FAM107A: variants seen among roughly 807,000 people sequenced by gnomAD.
FAM107A encodes the protein family with sequence similarity 107 member A, also known as actin-associated protein FAM107A.
In FAM107A, 19 loss-of-function variants were observed where a neutral mutation model predicts 13.7. The ratio of observed to expected loss-of-function variants is 1.38; its 90% CI spans 0.97 to 2.03. FAM107A has a LOEUF of 2.03. FAM107A is among the 30% of genes most tolerant of loss of function. FAM107A has a pLI of 0.00. For synonymous variants in FAM107A, 82 were observed against 74.5 expected (o/e 1.10, Z -0.52); for missense variants, 203 against 184.4 (o/e 1.10, Z -0.58).
intron 1 of FAM107A, among the ~76,000 whole-genome samples, chr3:58,600,522 G>C (rs548751442): frequency 6.6e-6 from 1 of 152,308 alleles, no homozygotes; most frequent in South Asian, 2.1e-4. Context: ...ATTTTGCTCA[G>C]CTCCTTCAGT....
At chr3:58,621,997 G>C (rs71637536) in intron 1 of FAM107A, among the ~76,000 whole-genome samples, 1 of 152,166 alleles carries the variant, frequency 6.6e-6, no homozygotes. Flanking sequence ...TCAGTGTCAG[G>C]TGGGGGAGAG....
intron 1 of FAM107A, among the ~76,000 whole-genome samples, chr3:58,592,325 A>T (rs2065660528): frequency 6.6e-6 from 1 of 152,178 alleles, no homozygotes; most frequent in South Asian, 2.1e-4. Flanking sequence ...CCAGAATTTC[A>T]GAAGAAGCAG....
At chr3:58,596,769 A>T (rs2065711347) in intron 1 of FAM107A, among the ~76,000 whole-genome samples, 1 of 152,224 alleles carries the variant, frequency 6.6e-6, no homozygotes, top group African/African-American at 2.4e-5. Context: ...ACCACCTCCA[A>T]GATCAAGATA....
At chr3:58,589,701 T>C (rs139907206), upstream of FAM107A, among the ~76,000 whole-genome samples, 92 of 152,318 alleles carry the variant, frequency 6.0e-4, no homozygotes, top group East Asian at 0.017. Context: ...AAGTGCATAC[T>C]TTATTCAGAT....
At chr3:58,603,019 C>A (rs754744468) in intron 1 of FAM107A, among the ~76,000 whole-genome samples, 2 of 152,078 alleles carry the variant, frequency 1.3e-5, no homozygotes, top group Admixed American at 6.6e-5. Flanking sequence ...GAATTTTATT[C>A]ATTAATTAAT....
upstream of FAM107A, among the ~76,000 whole-genome samples, chr3:58,580,765 A>C (rs1408704490): frequency 6.6e-6 from 1 of 151,912 alleles, no homozygotes; most frequent in East Asian, 1.9e-4. Context: ...GAGTTTGAGG[A>C]CCATTGTTCT....
chr3:58,571,632 A>T (rs2063684844), intron 1 of FAM107A, among the ~76,000 whole-genome samples: 1 of 152,198 alleles, frequency 6.6e-6, no homozygotes, highest in African/African-American at 2.4e-5. Context: ...CTGTGGGATC[A>T]AGCTCTCTGG....
chr3:58,588,060 C>T (rs1053271988), upstream of FAM107A, among the ~76,000 whole-genome samples: 8 of 152,176 alleles, frequency 5.3e-5, no homozygotes, highest in African/African-American at 9.7e-5. Context: ...CTCATTCACT[C>T]GTCACAACAG....
At chr3:58,612,416 C>T (rs999571025) in intron 1 of FAM107A, among the ~76,000 whole-genome samples, 2 of 151,954 alleles carry the variant, frequency 1.3e-5, no homozygotes, top group Non-Finnish European at 2.9e-5. Flanking sequence ...CTCGTCTCTA[C>T]AAAATATAGA....
chr3:58,614,387 G>A (rs1022063567), intron 1 of FAM107A, among the ~76,000 whole-genome samples: 1 of 151,808 alleles, frequency 6.6e-6, no homozygotes, highest in African/African-American at 2.4e-5. Context: ...ATTTTCTATT[G>A]TCTAGAAGAC....
intron 3 of FAM107A, 103 bp downstream of exon 3, chr3:58,567,105 C>T (rs780114695): frequency 2.4e-5 from 33 of 1,401,574 alleles, no homozygotes; most frequent in Admixed American, 1.7e-4. Flanking sequence ...AGTGCTCTGT[C>T]TGCTGATCCT....
chr3:58,579,394 A>G (rs1371248028), upstream of FAM107A, among the ~76,000 whole-genome samples: 2 of 151,932 alleles, frequency 1.3e-5, no homozygotes, highest in South Asian at 2.1e-4. Flanking sequence ...GTATAAAACA[A>G]TTTTCTGGAA....
Position 58,613,923 on chromosome 3 carries a change from C to T in FAM107A, c.-70+13493G>A, listed in dbSNP as rs188254474. On this transcript the variant is annotated intron_variant, in intron 1 of 3. Coordinates refer to the FAM107A transcript ENST00000465970. The surrounding 1 kb of genome is among the most constrained non-coding windows in gnomAD (Gnocchi z 4.6). Reference sequence around the variant, plus strand: ...CTGGCTCCTGCAGGTGCCACAACTCCCTGCAGCCTGCTGTACCTGGGAAGT... The same window carrying T: ...CTGGCTCCTGCAGGTGCCACAACTCTCTGCAGCCTGCTGTACCTGGGAAGT... 6.6e-6 allele frequency among the ~76,000 whole-genome samples: 1 copy of T among 152,308 alleles called. No homozygotes were observed. The highest frequency in any genetic ancestry group is 1.9e-4 in the East Asian group (1 of 5,182).
At chr3:58,572,358 T>C (rs1406115542) in intron 1 of FAM107A, among the ~76,000 whole-genome samples, 1 of 152,036 alleles carries the variant, frequency 6.6e-6, no homozygotes, top group Non-Finnish European at 1.5e-5. Context: ...CAGGCTCCCA[T>C]AGAGACTAAG....
At chr3:58,589,351 T>A (rs986479008), upstream of FAM107A, 19 of 923,282 alleles carry the variant, frequency 2.1e-5, no homozygotes, top group Non-Finnish European at 2.9e-5. Context: ...ACAATGTATC[T>A]GAGTCTTTTG....
upstream of FAM107A, chr3:58,589,376 T>C: frequency 1.4e-6 from 1 of 734,246 alleles, no homozygotes; most frequent in South Asian, 1.7e-5. Context: ...CTGAAGGGAC[T>C]GGTCAGAGTC....
At chr3:58,623,175 A>G (rs761942231) in intron 1 of FAM107A, among the ~76,000 whole-genome samples, 13 of 152,154 alleles carry the variant, frequency 8.5e-5, no homozygotes, top group Non-Finnish European at 5.9e-5. Context: ...TAGAATGAAC[A>G]CACCCTTTCA....
At chr3:58,574,988 C>G (rs2063718759) in intron 1 of FAM107A, among the ~76,000 whole-genome samples, 1 of 152,130 alleles carries the variant, frequency 6.6e-6, no homozygotes, top group African/African-American at 2.4e-5. Context: ...TAAGGAGAGA[C>G]AGAAGGAGAG....
upstream of FAM107A, among the ~76,000 whole-genome samples, chr3:58,591,934 G>A (rs770701830): frequency 2.0e-5 from 3 of 152,202 alleles, no homozygotes; most frequent in Non-Finnish European, 4.4e-5. The surrounding 1 kb of genome is among the most constrained non-coding windows in gnomAD (Gnocchi z 4.3). Flanking sequence ...CCTCTGTGCT[G>A]TATGGGAAAG....
Sources: allele counts gnomAD v4.1 joint callset (sites outside exome capture counted in the v4.1 genomes callset), GRCh38; gene constraint gnomAD v4.1.1; non-coding constraint Gnocchi (gnomAD v3.1); transcripts MANE v1.5; gene names NCBI Gene and HGNC (gene_info 2026-07-23, HGNC 2026-07-21).